The following LRRC4C variants were observed in gnomAD, a reference collection of about 807,000 sequenced individuals.
LRRC4C encodes leucine-rich repeat-containing protein 4C.
Under a neutral mutation model 33.6 loss-of-function variants are expected in LRRC4C, and 5 were observed. That is an observed-to-expected ratio of 0.15 (90% CI 0.08 to 0.31). LRRC4C has a LOEUF of 0.31. Ranked by LOEUF, LRRC4C falls within the 10% of genes least tolerant of loss-of-function variation. The pLI is 1.00. For missense variants in LRRC4C, 560 were observed against 796.7 expected (o/e 0.70, Z 3.58); for synonymous variants, 329 against 302.0 (o/e 1.09, Z -0.93).
chr11:40,651,951 G>C (rs1267661025), intron 2 of LRRC4C, among the ~76,000 whole-genome samples: 1 of 152,144 alleles, frequency 6.6e-6, no homozygotes, highest in African/African-American at 2.4e-5. Flanking sequence ...TTTAATGTCT[G>C]TTCATTTTGT....
At chr11:40,737,523 T>TTA (rs1947938382) in intron 2 of LRRC4C, among the ~76,000 whole-genome samples, 1 of 152,036 alleles carries the variant, frequency 6.6e-6, no homozygotes, top group Non-Finnish European at 1.5e-5. Flanking sequence ...CAGCAAAGTC[T>TTA]CAGGATACAA....
At chr11:40,195,765 TGACTTCCA>T (rs1157563446) in intron 5 of LRRC4C, among the ~76,000 whole-genome samples, 1 of 152,078 alleles carries the variant, frequency 6.6e-6, no homozygotes, top group East Asian at 1.9e-4. Flanking sequence ...AAGATTTCCT[TGACTTCCA>T]GAGGGCAAAG....
At chr11:40,400,751 C>G (rs145015133) in intron 3 of LRRC4C, among the ~76,000 whole-genome samples, 1 of 152,152 alleles carries the variant, frequency 6.6e-6, no homozygotes, top group East Asian at 1.9e-4. Flanking sequence ...ATTGCTTTTT[C>G]AGTTTCTCTG....
chr11:40,452,991 T>A (rs139339740), intron 3 of LRRC4C, among the ~76,000 whole-genome samples: 1,585 of 123,346 alleles, frequency 0.013, 29 homozygotes, highest in African/African-American at 0.046. Flanking sequence ...TGAGAACACA[T>A]GGACACAGGA....
intron 3 of LRRC4C, among the ~76,000 whole-genome samples, chr11:40,352,797 G>T (rs1167343995): frequency 6.6e-6 from 1 of 151,430 alleles, no homozygotes; most frequent in African/African-American, 2.4e-5. Flanking sequence ...GCTCTTGTTT[G>T]CCTGAGAAAA....
intron 2 of LRRC4C, among the ~76,000 whole-genome samples, chr11:40,866,637 A>G (rs1000463601): frequency 6.6e-6 from 1 of 152,134 alleles, no homozygotes; most frequent in African/African-American, 2.4e-5. Flanking sequence ...AGTCAAGCCA[A>G]TTGGGTATTG....
chr11:40,473,592 G>C (rs922084378), intron 3 of LRRC4C, among the ~76,000 whole-genome samples: 11 of 152,274 alleles, frequency 7.2e-5, no homozygotes, highest in African/African-American at 2.6e-4. Flanking sequence ...GGTACTGGAA[G>C]TTCTGCCCGG....
intron 2 of LRRC4C, among the ~76,000 whole-genome samples, chr11:40,797,265 G>A (rs185084852): frequency 7.1e-4 from 108 of 152,268 alleles, no homozygotes; most frequent in African/African-American, 2.6e-3. Context: ...GAAATGGAGA[G>A]TATGGGGTGG....
At chr11:41,062,199 T>C (rs941512380) in intron 1 of LRRC4C, among the ~76,000 whole-genome samples, 2 of 152,232 alleles carry the variant, frequency 1.3e-5, no homozygotes, top group Non-Finnish European at 2.9e-5. Flanking sequence ...CACCCAGGTA[T>C]TAAGCCTAGT....
intron 4 of LRRC4C, among the ~76,000 whole-genome samples, chr11:40,246,347 T>G (rs906835192): frequency 3.3e-5 from 5 of 152,172 alleles, no homozygotes; most frequent in African/African-American, 9.7e-5. Context: ...CCATACTCCT[T>G]CTAGACATCA....
chr11:41,080,890 T>C (rs1212861307), intron 1 of LRRC4C, among the ~76,000 whole-genome samples: 17 of 152,188 alleles, frequency 1.1e-4, no homozygotes, highest in Admixed American at 1.1e-3. Context: ...TAGTTTCCTG[T>C]CTGAGAAGAA....
chr11:41,232,810 T>G (rs1947859021), intron 1 of LRRC4C, among the ~76,000 whole-genome samples: 1 of 150,274 alleles, frequency 6.7e-6, no homozygotes, highest in Non-Finnish European at 1.5e-5. Context: ...AAATGCCAAG[T>G]AACACACAGT....
intron 1 of LRRC4C, among the ~76,000 whole-genome samples, chr11:41,290,807 A>T (rs1949971424): frequency 6.6e-6 from 1 of 152,128 alleles, no homozygotes; most frequent in Admixed American, 6.5e-5. Context: ...TAAAACAAAC[A>T]AAGGTCTTAG....
intron 2 of LRRC4C, among the ~76,000 whole-genome samples, chr11:40,823,449 G>A (rs1285961532): frequency 1.3e-5 from 2 of 151,460 alleles, no homozygotes; most frequent in African/African-American, 4.8e-5. Context: ...AAAATAAAAA[G>A]GGAAGCAACA....
chr11:41,382,681 C>T (rs1953199783), intron 1 of LRRC4C, among the ~76,000 whole-genome samples: 1 of 152,108 alleles, frequency 6.6e-6, no homozygotes. Context: ...CAAATCCTGA[C>T]TATATAAAAC....
At chr11:41,420,276 T>C (rs1954829687) in intron 1 of LRRC4C, among the ~76,000 whole-genome samples, 1 of 151,820 alleles carries the variant, frequency 6.6e-6, no homozygotes, top group Non-Finnish European at 1.5e-5. Context: ...ATGCCACAAA[T>C]AGAGGAAAAG....
intron 2 of LRRC4C, among the ~76,000 whole-genome samples, chr11:40,834,899 G>GACACAC (rs1326075676): frequency 5.1e-5 from 2 of 38,858 alleles, no homozygotes; most frequent in African/African-American, 6.7e-5. Context: ...CAGACAGACA[G>GACACAC]ACAGACAGAC....
intron 1 of LRRC4C, among the ~76,000 whole-genome samples, chr11:41,321,022 G>C (rs1308623155): frequency 6.6e-6 from 1 of 152,142 alleles, no homozygotes; most frequent in Non-Finnish European, 1.5e-5. Context: ...TCCTCATGTA[G>C]AGTTTTCTTC....
chr11:41,240,481 G>T (rs1294661183), intron 1 of LRRC4C, among the ~76,000 whole-genome samples: 1 of 152,156 alleles, frequency 6.6e-6, no homozygotes, highest in Non-Finnish European at 1.5e-5. Flanking sequence ...CCAAGAGAAA[G>T]AGGCTATTAT....
Sources: allele counts gnomAD v4.1 joint callset (sites outside exome capture counted in the v4.1 genomes callset), GRCh38; gene constraint gnomAD v4.1.1; transcripts MANE v1.5; gene names NCBI Gene and HGNC (gene_info 2026-07-23, HGNC 2026-07-21).